ADGRL2: variants seen among roughly 807,000 people sequenced by gnomAD.
ADGRL2 encodes the protein calcium-independent alpha-latrotoxin receptor 2.
ADGRL2 carries 44 observed loss-of-function variants against 157.4 expected under a neutral mutation model. The ratio of observed to expected loss-of-function variants is 0.28; its 90% CI spans 0.22 to 0.36. The LOEUF (loss-of-function observed/expected upper bound fraction) is 0.36. ADGRL2 is among the 10% of genes least tolerant of loss of function. ADGRL2 has a pLI of 1.00. For synonymous variants in ADGRL2, 585 were observed against 624.7 expected (o/e 0.94, Z 0.95); for missense variants, 1,510 against 1,768.9 (o/e 0.85, Z 2.63).
chr1:81,935,173 T>G (rs1013770443), intron 3 of ADGRL2, among the ~76,000 whole-genome samples: 1 of 151,960 alleles, frequency 6.6e-6, no homozygotes, highest in Non-Finnish European at 1.5e-5. Context: ...GAACCACTGG[T>G]AAATTTCTTC....
intron 2 of ADGRL2, among the ~76,000 whole-genome samples, chr1:81,881,239 G>A (rs1320294837): frequency 3.3e-5 from 5 of 152,122 alleles, no homozygotes; most frequent in African/African-American, 7.2e-5. Context: ...GCAGTGGCGC[G>A]ATCTTGGCTC....
intron 3 of ADGRL2, among the ~76,000 whole-genome samples, chr1:81,933,128 A>C (rs2095259087): frequency 6.6e-6 from 1 of 152,218 alleles, no homozygotes; most frequent in African/African-American, 2.4e-5. Context: ...AAAATGAAAT[A>C]AGACCAGTTA....
intron 3 of ADGRL2, among the ~76,000 whole-genome samples, chr1:81,626,327 C>T (rs938158231): frequency 6.6e-6 from 1 of 152,058 alleles, no homozygotes; most frequent in Non-Finnish European, 1.5e-5. Flanking sequence ...TTTTTTGAGA[C>T]AGTGTCTCAC....
intron 3 of ADGRL2, among the ~76,000 whole-genome samples, chr1:81,604,851 G>T (rs2081402007): frequency 6.6e-6 from 1 of 152,092 alleles, no homozygotes; most frequent in Non-Finnish European, 1.5e-5. Context: ...TAATGAAAAA[G>T]TACCCCTGTT....
At chr1:81,326,946 C>A (rs1660943274) in intron 1 of ADGRL2, among the ~76,000 whole-genome samples, 1 of 152,094 alleles carries the variant, frequency 6.6e-6, no homozygotes, top group Non-Finnish European at 1.5e-5. Flanking sequence ...ATTATTTTTC[C>A]AGTTCCTCTT....
chr1:81,557,569 GTCTT>G (rs1177722278), intron 2 of ADGRL2: 1 of 152,254 alleles, frequency 6.6e-6, no homozygotes, highest in East Asian at 1.9e-4. Flanking sequence ...AGAGCATTCT[GTCTT>G]TCTTTCAATA....
chr1:81,448,702 G>A (rs1393395260), intron 2 of ADGRL2, among the ~76,000 whole-genome samples: 3 of 151,474 alleles, frequency 2.0e-5, no homozygotes, highest in Non-Finnish European at 2.9e-5. Context: ...AACAAAAACA[G>A]ACAAACAAAA....
intron 3 of ADGRL2, among the ~76,000 whole-genome samples, chr1:81,915,572 T>C (rs767752368): frequency 4.6e-5 from 7 of 152,214 alleles, no homozygotes; most frequent in Non-Finnish European, 1.0e-4. Context: ...TTAGTGGTCT[T>C]AAGTATTCCC....
At chr1:81,614,518 G>T (rs998611191) in intron 3 of ADGRL2, among the ~76,000 whole-genome samples, 2 of 152,110 alleles carry the variant, frequency 1.3e-5, no homozygotes, top group Middle Eastern at 3.2e-3. Flanking sequence ...GTGGTCCAAA[G>T]ATTTTTTTTC....
intron 2 of ADGRL2, among the ~76,000 whole-genome samples, chr1:81,579,555 G>A (rs6696786): frequency 0.065 from 9,899 of 152,122 alleles, 790 homozygotes; most frequent in East Asian, 0.34. Context: ...GTGAAAAAGT[G>A]CAAACCTACC....
chr1:81,992,792 T>C lies in ADGRL2; in HGVS notation c.*1647T>C, dbSNP rs927321446. 6.6e-6 allele frequency among the ~76,000 whole-genome samples: 1 copy of C among 151,838 alleles called. No individual in the cohort carries two copies. The highest frequency in any genetic ancestry group is 6.6e-5 in the Admixed American group (1 of 15,204). On this transcript the variant is annotated 3_prime_UTR_variant, in exon 24 of 24. Coordinates refer to ENST00000686636, the MANE Select transcript of ADGRL2 (RefSeq NM_001366006.2). Reference sequence around the variant, plus strand: ...AAACATACTTTAAGGATTATAAATATCCCTATAGACAGCTGTGAATACCAA... The same window carrying C: ...AAACATACTTTAAGGATTATAAATACCCCTATAGACAGCTGTGAATACCAA...
chr1:81,836,679 G>C (rs1257218753), intron 1 of ADGRL2, among the ~76,000 whole-genome samples: 1 of 152,030 alleles, frequency 6.6e-6, no homozygotes, highest in Non-Finnish European at 1.5e-5. Flanking sequence ...CAATTTGACT[G>C]TCAAAAAGGC....
chr1:81,951,197 G>T, intron 8 of ADGRL2, 76 bp downstream of exon 8: 1 of 1,011,412 alleles, frequency 9.9e-7, no homozygotes, highest in Non-Finnish European at 1.5e-6. Flanking sequence ...TTAGCTTTGT[G>T]TGTTAAAACC....
intron 2 of ADGRL2, among the ~76,000 whole-genome samples, chr1:81,847,881 A>G (rs2092852414): frequency 6.6e-6 from 1 of 151,950 alleles, no homozygotes; most frequent in African/African-American, 2.4e-5. Flanking sequence ...CTAATTTTTC[A>G]AAGTCAACAT....
At chr1:81,909,125 C>T (rs1436060479) in intron 3 of ADGRL2, among the ~76,000 whole-genome samples, 1 of 152,182 alleles carries the variant, frequency 6.6e-6, no homozygotes, top group Non-Finnish European at 1.5e-5. Context: ...ATCCACCTGC[C>T]TCAGCCTCTC....
At chr1:81,807,144 G>A (rs889980407) in intron 1 of ADGRL2, among the ~76,000 whole-genome samples, 5 of 151,936 alleles carry the variant, frequency 3.3e-5, no homozygotes, top group East Asian at 1.9e-4. Flanking sequence ...ATTAAAAATA[G>A]CAAGTTTAGC....
intron 3 of ADGRL2, among the ~76,000 whole-genome samples, chr1:81,922,411 A>G (rs1417234476): frequency 6.6e-6 from 1 of 152,168 alleles, no homozygotes; most frequent in Non-Finnish European, 1.5e-5. Flanking sequence ...AATTATGAAA[A>G]TAGTCGTACA....
chr1:81,446,038 A>C (rs1481169797), intron 2 of ADGRL2, among the ~76,000 whole-genome samples: 1 of 152,148 alleles, frequency 6.6e-6, no homozygotes, highest in Non-Finnish European at 1.5e-5. Context: ...TAGTCCACAA[A>C]CTTGGAGGCT....
At chr1:81,490,214 C>T (rs1433530050) in intron 2 of ADGRL2, among the ~76,000 whole-genome samples, 1 of 151,656 alleles carries the variant, frequency 6.6e-6, no homozygotes, top group South Asian at 2.1e-4. Flanking sequence ...TCACTGCAAC[C>T]TCCACCTCCT....
Sources: gnomAD v4.1 joint callset for allele counts (sites outside exome capture counted in the v4.1 genomes callset) on GRCh38, gnomAD v4.1.1 for gene constraint, MANE v1.5 for transcripts, NCBI Gene and HGNC (gene_info 2026-07-23, HGNC 2026-07-21) for gene names.